Variants in DDIAS observed in about 807,000 individuals in gnomAD.
The protein encoded by DDIAS is DNA damage-induced apoptosis suppressor protein.
Under a neutral mutation model 15.7 loss-of-function variants are expected in DDIAS, and 14 were observed. The ratio of observed to expected loss-of-function variants is 0.89; its 90% CI spans 0.59 to 1.39. The LOEUF (loss-of-function observed/expected upper bound fraction) is 1.39, where lower values mean the gene tolerates loss of function less well. DDIAS is among the 40% of genes most tolerant of loss of function. The probability of loss-of-function intolerance (pLI) is 0.00; values close to 1 mark genes in which losing one functional copy is unlikely to be tolerated. For synonymous variants in DDIAS, 355 were observed against 395.9 expected (o/e 0.90, Z 1.23); for missense variants, 1,035 against 1,130.9 (o/e 0.92, Z 1.22).
intron 3 of DDIAS, among the ~76,000 whole-genome samples, chr11:82,918,146 C>T (rs1312448621): frequency 6.6e-6 from 1 of 152,130 alleles, no homozygotes; most frequent in African/African-American, 2.4e-5. Flanking sequence ...AATTAAGTCC[C>T]AGCTATTTGT....
At chr11:82,931,514 G>T (rs1296966555) in intron 5 of DDIAS, among the ~76,000 whole-genome samples, 1 of 151,966 alleles carries the variant, frequency 6.6e-6, no homozygotes, top group Admixed American at 6.6e-5. Flanking sequence ...ACCATGCCCA[G>T]CTAATTTTTG....
chr11:82,905,140 A>G (rs956122521), intron 1 of DDIAS, among the ~76,000 whole-genome samples: 6 of 152,204 alleles, frequency 3.9e-5, no homozygotes, highest in African/African-American at 1.4e-4. Flanking sequence ...TTTAATAAGC[A>G]TAAGTCTATT....
At chr11:82,915,858 T>C (rs1399511135) in intron 3 of DDIAS, among the ~76,000 whole-genome samples, 1 of 152,198 alleles carries the variant, frequency 6.6e-6, no homozygotes, top group East Asian at 1.9e-4. Context: ...AATCTGTACT[T>C]AGAAGCAGTG....
At chr11:82,928,755 C>G in intron 3 of DDIAS, 22 bp from the exon 4 acceptor site, 6 of 1,609,906 alleles carry the variant, frequency 3.7e-6, no homozygotes, top group Admixed American at 1.7e-5. Context: ...CATCTCCACA[C>G]TTTTTTCCAC....
chr11:82,916,635 T>C (rs1176587976), intron 3 of DDIAS, among the ~76,000 whole-genome samples: 2 of 152,186 alleles, frequency 1.3e-5, no homozygotes, highest in Admixed American at 6.5e-5. Context: ...GGTTGAACAA[T>C]AATGCCATTG....
intron 1 of DDIAS, among the ~76,000 whole-genome samples, chr11:82,905,459 C>T (rs1277396330): frequency 6.6e-6 from 1 of 151,828 alleles, no homozygotes; most frequent in Non-Finnish European, 1.5e-5. Context: ...TAGAAAATAT[C>T]TTAAATATAT....
intron 1 of DDIAS, among the ~76,000 whole-genome samples, chr11:82,908,302 G>T (rs1860469095): frequency 6.6e-6 from 1 of 152,078 alleles, no homozygotes; most frequent in Non-Finnish European, 1.5e-5. Context: ...ACAAAGTGAG[G>T]TCAGGGATTG....
At chr11:82,909,045 C>G (rs966880046) in intron 1 of DDIAS, among the ~76,000 whole-genome samples, 11 of 152,158 alleles carry the variant, frequency 7.2e-5, no homozygotes, top group South Asian at 4.1e-4. Context: ...CTTCTTTGAT[C>G]TCGCACAAGA....
Position 82,933,131 on chromosome 11 carries a change from G to C in DDIAS, c.1793G>C (p.Arg598Thr). The change falls in exon 6 of 6, where the codon AGG (arginine) becomes ACG (threonine). Residue 598 changes from arginine (R) to threonine (T), a missense_variant. Arg to Thr is a moderately conservative substitution (Grantham distance 71). Transcript: ENST00000533655. ...GAAAAGTTGACAACTCTGTGTTATA[G>C]GAAGTATAATGATGTCTCTGATCTT... Reference protein sequence around the residue: ...MNEKLTTLCYRKYNDVSDLCK... With the variant: ...MNEKLTTLCYTKYNDVSDLCK... 6.2e-7 allele frequency: 1 copy of C among 1,607,570 alleles called. No individual in the cohort carries two copies. Among genetic ancestry groups the C allele is most frequent in the Non-Finnish European group, 8.5e-7 (1 of 1,179,466 alleles).
chr11:82,917,424 C>T (rs1391254962), intron 3 of DDIAS, among the ~76,000 whole-genome samples: 1 of 151,964 alleles, frequency 6.6e-6, no homozygotes, highest in East Asian at 1.9e-4. Flanking sequence ...TGAGTTACTT[C>T]ACTTAGAATA....
intron 1 of DDIAS, among the ~76,000 whole-genome samples, chr11:82,912,831 C>G (rs1243501160): frequency 6.6e-6 from 1 of 152,136 alleles, no homozygotes; most frequent in Non-Finnish European, 1.5e-5. Context: ...ATATGTGACT[C>G]TTCCTTTCAC....
At position 82,933,293 on chromosome 11, in the gene DDIAS, T is replaced by A. The variant is rs1565252523; in HGVS notation, c.1955T>A (p.Met652Lys). The A allele has an allele frequency of 6.2e-7, 1 of 1,613,688 alleles. No homozygotes were observed. Among genetic ancestry groups the A allele is most frequent in the Non-Finnish European group, 8.5e-7 (1 of 1,179,900 alleles). Residue 652 changes from methionine to lysine, a missense_variant, in exon 6 of 6, where the codon ATG (methionine) becomes AAG (lysine). By Grantham distance (95) the Met-to-Lys change is moderately conservative. Transcript: ENST00000533655. ...AGAAGTACAAATACATTGAAAGAAA[T>A]GCCTTGGGGACATATCAATAACAAC... Reference protein sequence around the residue: ...PNRSTNTLKEMPWGHINNNVT... With the variant: ...PNRSTNTLKEKPWGHINNNVT...
At chr11:82,907,458 A>G (rs1860454972) in intron 1 of DDIAS, among the ~76,000 whole-genome samples, 1 of 152,264 alleles carries the variant, frequency 6.6e-6, no homozygotes, top group African/African-American at 2.4e-5. Flanking sequence ...TGAAATAGGA[A>G]GAAAATTCTG....
chr11:82,928,223 G>A (rs1860909142), intron 3 of DDIAS, among the ~76,000 whole-genome samples: 1 of 78,184 alleles, frequency 1.3e-5, no homozygotes. Context: ...TTTTGAGACG[G>A]AATGTCACTC....
In DDIAS at chr11:82,928,912, T is replaced by C; in HGVS notation, c.249T>C (p.Phe83=). 1 of 1,612,280 alleles carries C rather than the reference T, an allele frequency of 6.2e-7. No individual in the cohort carries two copies. Reference sequence around the variant, plus strand: ...TTGGAAGTTGCTTAGATACATTTTTTGGTCTTACTGCCACTGGTTTGCACA... The same window carrying C: ...TTGGAAGTTGCTTAGATACATTTTTCGGTCTTACTGCCACTGGTTTGCACA... ...TVFGSCLDTF[F]GLTATGLHRY... Residue 83 remains phenylalanine, a synonymous_variant, in exon 4 of 6, where the codon TTT becomes TTC. Transcript: ENST00000533655.
chr11:82,923,025 G>A (rs1860788402), intron 3 of DDIAS, among the ~76,000 whole-genome samples: 2 of 152,226 alleles, frequency 1.3e-5, no homozygotes, highest in Admixed American at 1.3e-4. Flanking sequence ...TGTCTGCACA[G>A]AGTCCTGTGA....
intron 1 of DDIAS, among the ~76,000 whole-genome samples, chr11:82,909,048 G>T (rs1357990620): frequency 2.0e-5 from 3 of 152,104 alleles, no homozygotes; most frequent in Non-Finnish European, 4.4e-5. Flanking sequence ...CTTTGATCTC[G>T]CACAAGAAAG....
chr11:82,931,058 C>G (rs1322465574), intron 5 of DDIAS, among the ~76,000 whole-genome samples: 1 of 152,054 alleles, frequency 6.6e-6, no homozygotes, highest in Non-Finnish European at 1.5e-5. Flanking sequence ...TGAGCCACTG[C>G]TATTTTCTAA....
rs1017676928 is a variant in DDIAS at position 82,918,827 on chromosome 11, G to T, written c.113+3976G>T. Reference sequence around the variant, plus strand: ...TTCCTAAATTTGTTTTTTTTGTGTGGTTTTTTTTTGTGTGTGTGTTTTTGT... The same window carrying T: ...TTCCTAAATTTGTTTTTTTTGTGTGTTTTTTTTTTGTGTGTGTGTTTTTGT... On this transcript the variant is annotated intron_variant, in intron 3 of 5. Transcript: ENST00000533655. Among the ~76,000 whole-genome samples the T allele has an allele frequency of 1.4e-4, 21 of 149,842 alleles. 2 individuals carry two copies. In the South Asian group the frequency reaches 4.0e-3, roughly 29 times the overall value.
Sources: allele counts gnomAD v4.1 joint callset (sites outside exome capture counted in the v4.1 genomes callset), GRCh38; gene constraint gnomAD v4.1.1; transcripts MANE v1.5; gene names NCBI Gene and HGNC (gene_info 2026-07-23, HGNC 2026-07-21).